BICC1: variants seen among roughly 807,000 people sequenced by gnomAD.
BICC1 encodes protein bicaudal C homolog 1.
In BICC1, 43 loss-of-function variants were observed where a neutral mutation model predicts 111.0. The observed-to-expected ratio is 0.39, with a 90% CI of 0.30 to 0.50. The LOEUF is 0.50. Ranked by LOEUF, BICC1 falls within the 20% of genes least tolerant of loss-of-function variation. BICC1 has a pLI of 0.88. For missense variants in BICC1, 1,091 were observed against 1,203.2 expected, an observed-to-expected ratio of 0.91 and a Z score of 1.38; for synonymous variants, 467 against 434.4, an observed-to-expected ratio of 1.07 and a Z score of -0.93.
intron 3 of BICC1, among the ~76,000 whole-genome samples, chr10:58,767,871 G>C (rs981726208): frequency 4.0e-5 from 6 of 151,830 alleles, no homozygotes; most frequent in Non-Finnish European, 7.4e-5. Flanking sequence ...TCAAGCAGAA[G>C]AAAGGATCTG....
chr10:58,649,905 A>T (rs915388316), intron 2 of BICC1, among the ~76,000 whole-genome samples: 3 of 152,126 alleles, frequency 2.0e-5, no homozygotes, highest in African/African-American at 7.2e-5. Context: ...ACCACATTGT[A>T]CTTGTACTGC....
In BICC1 at chr10:58,648,768, T is replaced by C. The variant is rs1838350671; in HGVS notation, c.237+27867T>C. On this transcript the variant is annotated intron_variant, in intron 2 of 20. Coordinates refer to ENST00000373886, the MANE Select transcript of BICC1 (RefSeq NM_001080512.3). ...TTATCTTAATCATGATGACTCCTGATCACTCTGCTTTTCTCTTTCCTTTCT... is the reference window on the plus strand; with the variant it reads ...TTATCTTAATCATGATGACTCCTGACCACTCTGCTTTTCTCTTTCCTTTCT... 3 of 566,332 alleles carry C rather than the reference T, an allele frequency of 5.3e-6. No individual in the cohort carries two copies. In the South Asian group the frequency reaches 2.3e-4, roughly 44 times the overall value. 35.1% of individuals were successfully genotyped at this position (566,332 alleles called of 1,614,324 possible).
At chr10:58,601,162 ATATATATATCT>A (rs1845022052) in intron 1 of BICC1, among the ~76,000 whole-genome samples, 7 of 139,970 alleles carry the variant, frequency 5.0e-5, no homozygotes, top group Admixed American at 3.6e-4. Context: ...ATATATATAT[ATATATATATCT>A]CCCAATAAAA....
chr10:58,758,375 A>G (rs537034479), intron 3 of BICC1, among the ~76,000 whole-genome samples: 5 of 152,306 alleles, frequency 3.3e-5, no homozygotes, highest in African/African-American at 4.8e-5. Flanking sequence ...CAAATTGACA[A>G]TTCTCTGCTA....
At chr10:58,582,155 T>C (rs1844300289) in intron 1 of BICC1, among the ~76,000 whole-genome samples, 1 of 152,222 alleles carries the variant, frequency 6.6e-6, no homozygotes, top group Non-Finnish European at 1.5e-5. Flanking sequence ...TAGTATTCTC[T>C]TAGTGGACAT....
intron 3 of BICC1, among the ~76,000 whole-genome samples, chr10:58,765,925 G>A (rs139954228): frequency 3.9e-5 from 6 of 152,354 alleles, no homozygotes; most frequent in Admixed American, 3.9e-4. Flanking sequence ...AAAGCTGCCA[G>A]TGAATCCAAA....
intron 2 of BICC1, among the ~76,000 whole-genome samples, chr10:58,638,647 G>A (rs942936085): frequency 1.3e-5 from 2 of 152,062 alleles, no homozygotes; most frequent in Non-Finnish European, 2.9e-5. Flanking sequence ...TTGTGGCAGG[G>A]GGTGATGAGA....
chr10:58,685,607 T>C (rs1839696325), intron 2 of BICC1, among the ~76,000 whole-genome samples: 1 of 152,210 alleles, frequency 6.6e-6, no homozygotes, highest in African/African-American at 2.4e-5. Flanking sequence ...AATTGATCCC[T>C]TTTCCATTAT....
intron 1 of BICC1, among the ~76,000 whole-genome samples, chr10:58,606,067 C>G (rs879632110): frequency 1.3e-5 from 2 of 151,530 alleles, no homozygotes; most frequent in Non-Finnish European, 2.9e-5. Context: ...TTTTTTTTCC[C>G]TGACAACTTT....
At chr10:58,632,842 CATAGATAGATAGATAGATGGATAGATAG>C (rs777506960) in intron 2 of BICC1, among the ~76,000 whole-genome samples, 382 of 144,106 alleles carry the variant, frequency 2.7e-3, no homozygotes, top group Admixed American at 3.6e-3. Flanking sequence ...AAAGGTTTTA[CATAGATAGATAGATAGATGGATAGATAG>C]ATAGATAGAT....
intron 1 of BICC1, among the ~76,000 whole-genome samples, chr10:58,519,986 A>G (rs1842348223): frequency 6.6e-6 from 1 of 152,168 alleles, no homozygotes; most frequent in Non-Finnish European, 1.5e-5. Flanking sequence ...GGTTCAGTGT[A>G]GTTCATGCCT....
At chr10:58,661,892 G>A (rs944059805) in intron 2 of BICC1, among the ~76,000 whole-genome samples, 2 of 152,070 alleles carry the variant, frequency 1.3e-5, no homozygotes, top group African/African-American at 4.8e-5. Context: ...AGTAAAATCA[G>A]AAAAATTCGA....
Position 58,789,392 on chromosome 10 carries a change from G to A in BICC1, c.731G>A (p.Arg244His), listed in dbSNP as rs192860241. The A allele has an allele frequency of 6.1e-5, 99 of 1,613,990 alleles. No homozygotes were observed. The highest frequency in any genetic ancestry group is 5.7e-4 in the South Asian group (52 of 91,072). ...TYNISVSFKQ[R>H]SRMYGATVIV... Reference sequence around the variant, plus strand: ...AATATTTCAGTATCATTTAAACAGCGTTCCCGAATGTATGGTGCTACTGTC... The same window carrying A: ...AATATTTCAGTATCATTTAAACAGCATTCCCGAATGTATGGTGCTACTGTC... Residue 244 changes from arginine to histidine, a missense_variant, in exon 7 of 21, where the codon CGT (arginine) becomes CAT (histidine). Around this residue, in one of 3 missense-constraint regions of BICC1, gnomAD observed 843 missense variants for 900.8 expected, o/e 0.94. Transcript: ENST00000373886.
chr10:58,577,245 G>T (rs577599560), intron 1 of BICC1, among the ~76,000 whole-genome samples: 3 of 152,278 alleles, frequency 2.0e-5, no homozygotes, highest in Admixed American at 2.0e-4. Flanking sequence ...CCAAGAAGTG[G>T]AATGAGAGAA....
chr10:58,587,514 A>G (rs1844470059), intron 1 of BICC1, among the ~76,000 whole-genome samples: 1 of 152,230 alleles, frequency 6.6e-6, no homozygotes, highest in South Asian at 2.1e-4. Context: ...AAATTGATTT[A>G]ACAATCTAGA....
intron 3 of BICC1, among the ~76,000 whole-genome samples, chr10:58,737,048 A>T (rs570175283): frequency 9.2e-5 from 14 of 152,006 alleles, no homozygotes; most frequent in South Asian, 2.1e-4. Flanking sequence ...TTGAAAAAAA[A>T]TTTTTTTTGA....
chr10:58,613,144 A>G (rs1296032790), intron 1 of BICC1, among the ~76,000 whole-genome samples: 1 of 152,246 alleles, frequency 6.6e-6, no homozygotes, highest in East Asian at 1.9e-4. Context: ...TTACCTGCAC[A>G]TTCAGCCAGC....
intron 9 of BICC1, among the ~76,000 whole-genome samples, chr10:58,794,012 T>G (rs1235848329): frequency 6.6e-6 from 1 of 152,192 alleles, no homozygotes; most frequent in Non-Finnish European, 1.5e-5. Context: ...CATCATTTTC[T>G]TTATATATGT....
At chr10:58,787,816 A>G (rs1242595594) in intron 5 of BICC1, among the ~76,000 whole-genome samples, 1 of 152,150 alleles carries the variant, frequency 6.6e-6, no homozygotes, top group Non-Finnish European at 1.5e-5. Context: ...CGGCATGACC[A>G]TTGGCCCTAA....
Sources: allele counts gnomAD v4.1 joint callset (sites outside exome capture counted in the v4.1 genomes callset), GRCh38; gene constraint gnomAD v4.1.1; regional missense constraint gnomAD v4.1.1; transcripts MANE v1.5; gene names NCBI Gene and HGNC (gene_info 2026-07-23, HGNC 2026-07-21).